CSMD3: variants seen among roughly 807,000 people sequenced by gnomAD.
CSMD3 encodes the protein CUB and Sushi multiple domains 3, also known as CUB and sushi domain-containing protein 3.
In CSMD3, 177 loss-of-function variants were observed where a neutral mutation model predicts 435.2. The ratio of observed to expected loss-of-function variants is 0.41; its 90% confidence interval spans 0.36 to 0.46. CSMD3 has a LOEUF of 0.46. Ranked by LOEUF, CSMD3 falls within the 20% of genes least tolerant of loss-of-function variation. The pLI is 0.34. For missense variants in CSMD3, 4,265 were observed against 4,504.6 expected (o/e 0.95, Z 1.52); for synonymous variants, 1,656 against 1,520.5 (o/e 1.09, Z -2.07).
intron 35 of CSMD3, among the ~76,000 whole-genome samples, chr8:112,403,767 G>A (rs1455637097): frequency 6.6e-6 from 1 of 152,060 alleles, no homozygotes; most frequent in Non-Finnish European, 1.5e-5. Flanking sequence ...TGTTGTTGGG[G>A]GGCGGTGGGG....
chr8:112,541,730 GAAACA>G lies in CSMD3; in HGVS notation c.4564+8936_4564+8940del, dbSNP rs532238616. ...CTCTTCCCACCAACCCCCGCAAATT[GAAACA>G]AAACAAAACAAAACCAAAAACAAAC... On this transcript the variant is annotated intron_variant, in intron 27 of 70. Transcript: ENST00000297405. Among the ~76,000 whole-genome samples, 416 of 151,324 alleles carry G rather than the reference GAAACA, an allele frequency of 2.7e-3. 1 individual carries two copies. Among genetic ancestry groups the G allele is most frequent in the African/African-American group, 9.6e-3 (395 of 41,316 alleles).
At chr8:112,550,238 A>G (rs1277679805) in intron 27 of CSMD3, among the ~76,000 whole-genome samples, 2 of 152,054 alleles carry the variant, frequency 1.3e-5, no homozygotes, top group African/African-American at 4.8e-5. Flanking sequence ...CTGTGAATAC[A>G]TAATTAAGAT....
intron 13 of CSMD3, among the ~76,000 whole-genome samples, chr8:112,753,109 T>C (rs2077612968): frequency 6.6e-6 from 1 of 152,128 alleles, no homozygotes; most frequent in South Asian, 2.1e-4. Context: ...ATCTACTATG[T>C]ATATTTATTT....
intron 3 of CSMD3, among the ~76,000 whole-genome samples, chr8:113,273,401 C>T (rs1025844193): frequency 2.6e-5 from 4 of 151,842 alleles, no homozygotes; most frequent in African/African-American, 7.3e-5. Flanking sequence ...TAACCAAGAT[C>T]GGAAAATATT....
chr8:112,937,881 TA>T (rs1433203986), intron 9 of CSMD3, among the ~76,000 whole-genome samples: 1 of 151,964 alleles, frequency 6.6e-6, no homozygotes, highest in Non-Finnish European at 1.5e-5. Flanking sequence ...GATTGATGAT[TA>T]AAAAAAGATA....
chr8:112,945,888 C>A (rs1444983376), intron 9 of CSMD3, among the ~76,000 whole-genome samples: 1 of 151,626 alleles, frequency 6.6e-6, no homozygotes, highest in East Asian at 1.9e-4. Context: ...CGGTGGGACA[C>A]ATATACTTCT....
At chr8:112,699,162 T>G (rs2076327948) in intron 13 of CSMD3, among the ~76,000 whole-genome samples, 2 of 152,062 alleles carry the variant, frequency 1.3e-5, no homozygotes, top group African/African-American at 2.4e-5. Flanking sequence ...CTTTCCCCCT[T>G]GATAATAAAT....
At chr8:112,269,403 T>C (rs1168823919) in intron 59 of CSMD3, among the ~76,000 whole-genome samples, 1 of 152,192 alleles carries the variant, frequency 6.6e-6, no homozygotes. Context: ...ACTTCCCAGA[T>C]GCAGGATGTT....
At chr8:112,586,096 A>G (rs1465245575) in intron 23 of CSMD3, among the ~76,000 whole-genome samples, 3 of 151,680 alleles carry the variant, frequency 2.0e-5, no homozygotes, top group African/African-American at 7.2e-5. Context: ...TCTTATAAGC[A>G]TATCATGTTA....
At chr8:113,037,830 T>C (rs1049925666) in intron 5 of CSMD3, among the ~76,000 whole-genome samples, 1 of 152,198 alleles carries the variant, frequency 6.6e-6, no homozygotes, top group African/African-American at 2.4e-5. Flanking sequence ...CATATTTTCT[T>C]AATTCTCCAG....
chr8:112,612,671 C>A (rs1833350794), intron 22 of CSMD3, among the ~76,000 whole-genome samples: 1 of 150,066 alleles, frequency 6.7e-6, no homozygotes, highest in African/African-American at 2.5e-5. Flanking sequence ...TTAGACAATC[C>A]CAGTTAAAAA....
intron 9 of CSMD3, among the ~76,000 whole-genome samples, chr8:112,936,238 T>G (rs2130737932): frequency 6.6e-6 from 1 of 152,144 alleles, no homozygotes; most frequent in South Asian, 2.1e-4. Context: ...ATATTCTCAT[T>G]ACTTGGACAT....
chr8:112,339,067 C>T (rs1299222781), intron 42 of CSMD3, among the ~76,000 whole-genome samples: 1 of 152,002 alleles, frequency 6.6e-6, no homozygotes, highest in Non-Finnish European at 1.5e-5. Context: ...AAAACCCTAA[C>T]TTTCCACAAC....
At chr8:113,268,040 A>G (rs2093486757) in intron 3 of CSMD3, among the ~76,000 whole-genome samples, 1 of 151,772 alleles carries the variant, frequency 6.6e-6, no homozygotes, top group African/African-American at 2.4e-5. Flanking sequence ...TATTTCCATA[A>G]TAAATGATTC....
chr8:113,329,111 A>C (rs1183053623), intron 1 of CSMD3, among the ~76,000 whole-genome samples: 1 of 151,722 alleles, frequency 6.6e-6, no homozygotes, highest in African/African-American at 2.4e-5. Flanking sequence ...CTCATTTTAA[A>C]AATAAGTGGT....
chr8:112,460,128 G>A (rs1817296940), intron 32 of CSMD3, among the ~76,000 whole-genome samples: 1 of 152,038 alleles, frequency 6.6e-6, no homozygotes, highest in Non-Finnish European at 1.5e-5. Flanking sequence ...TGAATAAACT[G>A]TTTAATTTTC....
chr8:112,954,547 T>G (rs113597384), intron 8 of CSMD3, 137 bp downstream of exon 8: 1 of 630,536 alleles, frequency 1.6e-6, no homozygotes. Flanking sequence ...TGAATAATCA[T>G]CATGCATGTT....
intron 1 of CSMD3, among the ~76,000 whole-genome samples, chr8:113,318,376 C>T (rs942083681): frequency 2.0e-5 from 3 of 152,106 alleles, no homozygotes; most frequent in Admixed American, 1.3e-4. Context: ...AAAGTGGTTA[C>T]CATAGTGAAA....
At chr8:112,816,723 A>C (rs1001564617) in intron 12 of CSMD3, among the ~76,000 whole-genome samples, 3 of 152,056 alleles carry the variant, frequency 2.0e-5, no homozygotes, top group African/African-American at 7.2e-5. Flanking sequence ...AACTAAGAGC[A>C]ATGATAGTCA....
Sources: allele counts gnomAD v4.1 joint callset (sites outside exome capture counted in the v4.1 genomes callset), GRCh38; gene constraint gnomAD v4.1.1; transcripts MANE v1.5; gene names NCBI Gene and HGNC (gene_info 2026-07-23, HGNC 2026-07-21).